SLC7A11: variants seen among roughly 807,000 people sequenced by gnomAD.
The protein encoded by SLC7A11 is cystine/glutamate transporter.
Under a neutral mutation model 54.5 loss-of-function variants are expected in SLC7A11, and 35 were observed. The observed-to-expected ratio is 0.64, with a 90% CI of 0.49 to 0.85. The LOEUF (loss-of-function observed/expected upper bound fraction) is 0.85. SLC7A11 is among the 40% of genes least tolerant of loss of function. The pLI is 0.00. For synonymous variants in SLC7A11, 230 were observed against 225.2 expected, an observed-to-expected ratio of 1.02 and a Z score of -0.19; for missense variants, 583 against 618.1, an observed-to-expected ratio of 0.94 and a Z score of 0.60.
In SLC7A11 at chr4:138,199,577, C is replaced by A. The variant is rs138204511; in HGVS notation, c.792-14333G>T. On this transcript the variant is annotated intron_variant, in intron 6 of 11. Transcript: ENST00000280612. ...TCAGGATATCCTGTGTTTCTAAGTG[C>A]GCATAGATCAGAGGCAGGGAGTGGA... is the stretch of plus-strand genomic sequence containing the variant. Among the ~76,000 whole-genome samples, 427 of 152,112 alleles carry A rather than the reference C, an allele frequency of 2.8e-3. 3 individuals are homozygous for A. The highest frequency in any genetic ancestry group is 9.6e-3 in the African/African-American group (400 of 41,520).
In SLC7A11 at chr4:138,235,321, C is replaced by T. The variant is rs750991298; in HGVS notation, c.404+1004G>A. 4.6e-5 allele frequency among the ~76,000 whole-genome samples: 7 copies of T among 151,756 alleles called. 1 individual carries two copies. The highest frequency in any genetic ancestry group is 1.5e-5 in the Non-Finnish European group (1 of 67,964). On this transcript the variant is annotated intron_variant, in intron 2 of 11. Coordinates refer to ENST00000280612, the MANE Select transcript of SLC7A11 (RefSeq NM_014331.4). ...AGGAAAAAAATACTTATTATTATTT[C>T]ATTATAACAATTTTAAATAATGCAG...
At chr4:138,193,381 G>T (rs1007941553) in intron 6 of SLC7A11, among the ~76,000 whole-genome samples, 2 of 152,096 alleles carry the variant, frequency 1.3e-5, no homozygotes, top group Non-Finnish European at 2.9e-5. Flanking sequence ...TTTATGTATT[G>T]ACATTCTATC....
In SLC7A11 at chr4:138,213,182, C is replaced by T. The variant is rs566486233; in HGVS notation, c.791+1403G>A. ...CTAGCTCTTGGTAAATATGTGTTCT[C>T]GACCTACAATTCCAGTTATAGATAT... On this transcript the variant is annotated intron_variant, in intron 6 of 11. Transcript: ENST00000280612. Among the ~76,000 whole-genome samples, 7 of 151,942 alleles carry T rather than the reference C, an allele frequency of 4.6e-5. No individual in the cohort carries two copies. The South Asian group carries it at 8.3e-4, about 18-fold the overall frequency.
At chr4:138,180,832 AAC>A (rs1193657236) in intron 9 of SLC7A11, 42 bp from the exon 10 acceptor site, 4 of 1,573,180 alleles carry the variant, frequency 2.5e-6, no homozygotes, top group African/African-American at 2.7e-5. Context: ...ATTCAGTGAA[AAC>A]ACAGATGATT....
chr4:138,213,189 C>T (rs1737593788), intron 6 of SLC7A11, among the ~76,000 whole-genome samples: 1 of 152,002 alleles, frequency 6.6e-6, no homozygotes, highest in Non-Finnish European at 1.5e-5. Context: ...TCTCGACCTA[C>T]AATTCCAGTT....
intron 11 of SLC7A11, among the ~76,000 whole-genome samples, chr4:138,172,287 A>C (rs1428977711): frequency 1.3e-5 from 2 of 152,202 alleles, no homozygotes; most frequent in Non-Finnish European, 2.9e-5. Flanking sequence ...AGAAGGGTGA[A>C]AATATTTTGA....
chr4:138,189,738 T>A (rs1312227023), intron 6 of SLC7A11, among the ~76,000 whole-genome samples: 5 of 152,150 alleles, frequency 3.3e-5, no homozygotes, highest in African/African-American at 1.2e-4. Flanking sequence ...TAAGGTGCAT[T>A]TTTTAAAGCA....
intron 2 of SLC7A11, among the ~76,000 whole-genome samples, chr4:138,232,595 T>C (rs1480547363): frequency 6.6e-6 from 1 of 152,242 alleles, no homozygotes; most frequent in African/African-American, 2.4e-5. Flanking sequence ...TCACATATTC[T>C]TGGGAACAAG....
chr4:138,180,858 T>C (rs1736724057), intron 9 of SLC7A11, 68 bp from the exon 10 acceptor site: 3 of 1,368,372 alleles, frequency 2.2e-6, no homozygotes, highest in Non-Finnish European at 1.0e-6. Flanking sequence ...AACAAAAACC[T>C]CACTATGCAT....
Position 138,171,870 on chromosome 4 carries a change from A to ATTC in SLC7A11, c.*83_*85dup, listed in dbSNP as rs1405330364. 3 of 1,516,928 alleles carry ATTC rather than the reference A, an allele frequency of 2.0e-6. No homozygotes were observed. Among genetic ancestry groups the ATTC allele is most frequent in the Non-Finnish European group, 2.6e-6 (3 of 1,138,802 alleles). 94.0% of individuals were successfully genotyped at this position (1,516,928 alleles called of 1,614,324 possible). A position where few individuals can be genotyped will look rare whatever the true frequency, so the allele number is the denominator to read the frequency against. On this transcript the variant is annotated 3_prime_UTR_variant, in exon 12 of 12. Coordinates refer to ENST00000280612, the MANE Select transcript of SLC7A11 (RefSeq NM_014331.4). Reference sequence around the variant, plus strand: ...CCTTTTGTTTATCACCAAAGTTGTAATTCTCTAGACTTTCAGAAAATGAAG... The same window carrying ATTC: ...CCTTTTGTTTATCACCAAAGTTGTAATTCTTCTCTAGACTTTCAGAAAATGAAG...
intron 11 of SLC7A11, among the ~76,000 whole-genome samples, chr4:138,172,856 A>T (rs7667390): frequency 0.46 from 69,249 of 151,762 alleles, 16,012 homozygotes; most frequent in South Asian, 0.47. Flanking sequence ...TTTTGTTTTG[A>T]TTTTTTGAGG....
intron 2 of SLC7A11, among the ~76,000 whole-genome samples, chr4:138,235,364 A>G (rs996850867): frequency 1.3e-5 from 2 of 151,998 alleles, no homozygotes; most frequent in Non-Finnish European, 2.9e-5. Context: ...AAAATGAAAA[A>G]GCCTTCATGA....
intron 11 of SLC7A11, chr4:138,177,616 G>T (rs1736610857): frequency 6.6e-6 from 1 of 152,062 alleles, no homozygotes; most frequent in Non-Finnish European, 1.5e-5. Flanking sequence ...CCATTTTCCT[G>T]AGCTCTGGTG....
intron 10 of SLC7A11, among the ~76,000 whole-genome samples, chr4:138,180,380 C>G (rs1421033495): frequency 6.6e-6 from 1 of 152,082 alleles, no homozygotes; most frequent in Non-Finnish European, 1.5e-5. Context: ...GAAAAATCAA[C>G]ATACCAAACA....
rs1736220901 is a variant in SLC7A11, at chr4:138,165,008, A to G, written c.*6948T>C. 1 of 152,180 alleles carries G rather than the reference A, an allele frequency of 6.6e-6. No individual in the cohort carries two copies. The highest frequency in any genetic ancestry group is 1.5e-5 in the Non-Finnish European group (1 of 68,012). The allele number at this position is 152,180 out of a possible 1,614,324, so 9.4% of individuals were successfully genotyped here. A position where few individuals can be genotyped will look rare whatever the true frequency, so the allele number is the denominator to read the frequency against. ...GCTAAATGGACTCCACTTGTTGCAAATTATAAATGCTTGTCACAGAATATG... is the reference window on the plus strand; with the variant it reads ...GCTAAATGGACTCCACTTGTTGCAAGTTATAAATGCTTGTCACAGAATATG... On this transcript the variant is annotated 3_prime_UTR_variant, in exon 12 of 12. Coordinates refer to ENST00000280612, the MANE Select transcript of SLC7A11 (RefSeq NM_014331.4).
chr4:138,236,153 A>G (rs944925507), intron 2 of SLC7A11, among the ~76,000 whole-genome samples, 172 bp downstream of exon 2: 1 of 152,210 alleles, frequency 6.6e-6, no homozygotes, highest in African/African-American at 2.4e-5. Flanking sequence ...AAATTGCATT[A>G]AAAATATCTT....
At chr4:138,224,186 C>T (rs1345363757) in intron 3 of SLC7A11, among the ~76,000 whole-genome samples, 2 of 152,082 alleles carry the variant, frequency 1.3e-5, no homozygotes, top group African/African-American at 4.8e-5. Flanking sequence ...ACTGGATCCT[C>T]AGTTAGAAAA....
chr4:138,184,642 G>A lies in SLC7A11; in HGVS notation c.915+479C>T. 2.0e-5 allele frequency among the ~76,000 whole-genome samples: 3 copies of A among 151,998 alleles called. No homozygotes were observed. In the Middle Eastern group the frequency reaches 0.01, roughly 517 times the overall value. On this transcript the variant is annotated intron_variant, in intron 7 of 11. Coordinates refer to ENST00000280612, the MANE Select transcript of SLC7A11 (RefSeq NM_014331.4). ...AGTATTTCCTAAATTTATTAATATC[G>A]CAGGACTAGTATTCAAAAGGATATA...
chr4:138,231,947 C>T (rs1294905716), intron 3 of SLC7A11, among the ~76,000 whole-genome samples: 2 of 152,060 alleles, frequency 1.3e-5, no homozygotes, highest in Non-Finnish European at 2.9e-5. Context: ...TAGCTAATTT[C>T]CAATTCAAGT....
Sources: allele counts gnomAD v4.1 joint callset (sites outside exome capture counted in the v4.1 genomes callset), GRCh38; gene constraint gnomAD v4.1.1; transcripts MANE v1.5; gene names NCBI Gene and HGNC (gene_info 2026-07-23, HGNC 2026-07-21).